ADGRD1: variants seen among roughly 807,000 people sequenced by gnomAD.
The protein encoded by ADGRD1 is G-protein coupled receptor 133.
ADGRD1 carries 77 observed loss-of-function variants against 113.4 expected under a neutral mutation model. The observed-to-expected ratio is 0.68, with a 90% CI of 0.57 to 0.82. ADGRD1 has a LOEUF of 0.82. Among genes scored for constraint, ADGRD1 ranks in the 40% least tolerant of loss-of-function variants. ADGRD1 has a pLI of 0.00. For missense variants in ADGRD1, 1,036 were observed against 1,139.1 expected (o/e 0.91, Z 1.30); for synonymous variants, 474 against 475.0 (o/e 1.00, Z 0.03).
At chr12:131,021,685 C>T (rs1195899) in intron 13 of ADGRD1, among the ~76,000 whole-genome samples, 91,758 of 151,888 alleles carry the variant, frequency 0.6, 28,252 homozygotes, top group East Asian at 0.78. Flanking sequence ...GGTCGTCCCT[C>T]GTGCGTGTCT....
At chr12:131,130,167 C>T (rs958107057) in intron 20 of ADGRD1, among the ~76,000 whole-genome samples, 1 of 152,214 alleles carries the variant, frequency 6.6e-6, no homozygotes, top group African/African-American at 2.4e-5. Context: ...TGGACATGCT[C>T]TTTGTGCAGA....
Position 131,022,475 on chromosome 12 carries a change from G to A in ADGRD1, c.1473+8135G>A, listed in dbSNP as rs7978149. ...TTCTGCATTTATTAATTGGAATTCT[G>A]TGATAAGTACAAACCGTGATTTATT... On this transcript the variant is annotated intron_variant, in intron 13 of 24. Transcript: ENST00000261654. The surrounding 1 kb of genome is among the most constrained non-coding windows in gnomAD (Gnocchi z 4.6). Among the ~76,000 whole-genome samples, 32,634 of 152,060 alleles carry A rather than the reference G, an allele frequency of 0.21. 4,365 individuals are homozygous for A. Among genetic ancestry groups the A allele is most frequent in the African/African-American group, 0.38 (15,710 of 41,460 alleles).
At chr12:131,138,339 A>C in intron 24 of ADGRD1, 110 bp downstream of exon 24, 1 of 833,972 alleles carries the variant, frequency 1.2e-6, no homozygotes, top group Non-Finnish European at 2.0e-6. Flanking sequence ...GGTGCCCAGC[A>C]GTCTTTGTCC....
At chr12:131,128,167 G>T (rs1232248782) in intron 20 of ADGRD1, among the ~76,000 whole-genome samples, 4 of 147,098 alleles carry the variant, frequency 2.7e-5, no homozygotes, top group Non-Finnish European at 6.0e-5. Context: ...CTCAGGTGGG[G>T]TGTTGATTGT....
At position 131,041,777 on chromosome 12, in the gene ADGRD1, A is replaced by G. The variant is rs11061303; in HGVS notation, c.1473+27437A>G. ...CCCCCTGCCTGGCGCCTCTGCCTGC[A>G]CCCGCCTGGGAAGCACATTCTCCCT... On this transcript the variant is annotated intron_variant, in intron 13 of 24. Coordinates refer to ENST00000261654, the MANE Select transcript of ADGRD1 (RefSeq NM_198827.5). The surrounding 1 kb of genome is among the most constrained non-coding windows in gnomAD (Gnocchi z 4.4). 0.36 allele frequency among the ~76,000 whole-genome samples: 55,385 copies of G among 151,972 alleles called. 11,303 individuals are homozygous for G. The highest frequency in any genetic ancestry group is 0.52 in the South Asian group (2,499 of 4,812).
At chr12:131,066,252 G>A (rs762532518) in intron 13 of ADGRD1, among the ~76,000 whole-genome samples, 4 of 152,178 alleles carry the variant, frequency 2.6e-5, no homozygotes, top group Non-Finnish European at 5.9e-5. Context: ...CCTCTGCCAC[G>A]GGGAGGGCGG....
Position 130,979,152 on chromosome 12 carries a change from C to T in ADGRD1, c.311-2732C>T, listed in dbSNP as rs574904696. Among the ~76,000 whole-genome samples the T allele has an allele frequency of 3.9e-5, 6 of 152,318 alleles. No individual in the cohort carries two copies. The East Asian group carries it at 7.7e-4, about 20-fold the overall frequency. On this transcript the variant is annotated intron_variant, in intron 4 of 24. Coordinates refer to ENST00000261654, the MANE Select transcript of ADGRD1 (RefSeq NM_198827.5). ...CAACCCCCACAGTCGCACCCTTTTG[C>T]GGTAACCCACATTACTGGGCACTCG...
At chr12:131,036,391 TACTC>T (rs1881388725) in intron 13 of ADGRD1, among the ~76,000 whole-genome samples, 1 of 120,604 alleles carries the variant, frequency 8.3e-6, no homozygotes, top group African/African-American at 3.1e-5. Flanking sequence ...CACTGGGTCT[TACTC>T]ACTGCACCAG....
intron 21 of ADGRD1, 87 bp downstream of exon 21, chr12:131,131,903 G>A: frequency 1.2e-6 from 1 of 835,680 alleles, no homozygotes; most frequent in Non-Finnish European, 2.0e-6. Flanking sequence ...AGCCACTCCT[G>A]CCTCCTGTGG....
chr12:131,126,828 C>T (rs556862388), intron 20 of ADGRD1, among the ~76,000 whole-genome samples: 25 of 152,298 alleles, frequency 1.6e-4, no homozygotes, highest in Non-Finnish European at 3.1e-4. Flanking sequence ...ACTGTACATG[C>T]CTCAGTCCCA....
intron 6 of ADGRD1, 166 bp downstream of exon 6, chr12:130,987,515 C>T: frequency 1.5e-6 from 1 of 670,366 alleles, no homozygotes. Context: ...ACACCTGTTC[C>T]CTGAGATAGA....
chr12:131,115,229 C>T (rs1297241119), intron 18 of ADGRD1, among the ~76,000 whole-genome samples: 1 of 152,288 alleles, frequency 6.6e-6, no homozygotes, highest in East Asian at 1.9e-4. Flanking sequence ...GTGAAGAGCC[C>T]AGGCTGACGG....
At chr12:131,045,769 C>T (rs1882636104) in intron 13 of ADGRD1, among the ~76,000 whole-genome samples, 2 of 152,244 alleles carry the variant, frequency 1.3e-5, no homozygotes, top group South Asian at 4.1e-4. Flanking sequence ...CCACAGCTGC[C>T]GGCACCAGGC....
At chr12:130,978,884 TC>T (rs1872638389) in intron 4 of ADGRD1, 1 of 152,222 alleles carries the variant, frequency 6.6e-6, no homozygotes, top group Non-Finnish European at 1.5e-5. Context: ...TGTGCTGACT[TC>T]CTTGTGAAAC....
chr12:131,091,087 C>T (rs1486694761), intron 15 of ADGRD1, among the ~76,000 whole-genome samples: 1 of 152,166 alleles, frequency 6.6e-6, no homozygotes, highest in Non-Finnish European at 1.5e-5. Context: ...CTCCACTCCC[C>T]AGGCCTGATT....
At chr12:131,033,797 C>A (rs933163310) in intron 13 of ADGRD1, among the ~76,000 whole-genome samples, 1 of 152,146 alleles carries the variant, frequency 6.6e-6, no homozygotes, top group African/African-American at 2.4e-5. Flanking sequence ...ACGGCTGCTG[C>A]GTCTGCTAGG....
Position 131,104,873 on chromosome 12 carries a change from G to A in ADGRD1, c.1714G>A (p.Val572Met). 1 of 1,551,074 alleles carries A rather than the reference G, an allele frequency of 6.4e-7. No individual in the cohort carries two copies. The highest frequency in any genetic ancestry group is 1.2e-5 in the South Asian group (1 of 84,034). ...HQVALSSISYVGCSLSVLCLV... is the reference protein window; with the variant it reads ...HQVALSSISYMGCSLSVLCLV... Reference sequence around the variant, plus strand: ...GGTGGCGCTGTCGTCTATCAGCTATGTGGGCTGCTCCCTCTCCGTGCTCTG... The same window carrying A: ...GGTGGCGCTGTCGTCTATCAGCTATATGGGCTGCTCCCTCTCCGTGCTCTG... The change falls in exon 16 of 25, where the codon GTG becomes ATG. Residue 572 changes from valine (V) to methionine (M), a missense_variant. By Grantham distance (21) the Val-to-Met change is conservative. Transcript: ENST00000261654.
intron 13 of ADGRD1, among the ~76,000 whole-genome samples, chr12:131,018,741 G>A (rs1727342): frequency 0.73 from 111,327 of 152,094 alleles, 41,038 homozygotes; most frequent in East Asian, 0.84. Flanking sequence ...CCCCTGGATC[G>A]TTTCTGTTAG....
chr12:131,047,551 G>A (rs1200848521), intron 13 of ADGRD1, among the ~76,000 whole-genome samples: 2 of 152,312 alleles, frequency 1.3e-5, no homozygotes, highest in Admixed American at 6.5e-5. Flanking sequence ...GTGACATAAT[G>A]TGCAATGTGA....
Sources: allele counts gnomAD v4.1 joint callset (sites outside exome capture counted in the v4.1 genomes callset), GRCh38; gene constraint gnomAD v4.1.1; non-coding constraint Gnocchi (gnomAD v3.1); transcripts MANE v1.5; gene names NCBI Gene and HGNC (gene_info 2026-07-23, HGNC 2026-07-21).